AGBL4: variants seen among roughly 807,000 people sequenced by gnomAD.
The protein encoded by AGBL4 is cytosolic carboxypeptidase 6.
A neutral mutation model predicts 66.4 loss-of-function variants in AGBL4; 58 were observed. The observed-to-expected ratio is 0.87, with a 90% CI of 0.71 to 1.09. AGBL4 has a LOEUF of 1.09. AGBL4 is among the 50% of genes least tolerant of loss of function. The pLI, the probability that AGBL4 is intolerant of heterozygous loss-of-function variation, is 0.00. For missense variants in AGBL4, 579 were observed against 631.0 expected (o/e 0.92, Z 0.88); for synonymous variants, 234 against 222.9 (o/e 1.05, Z -0.44).
intron 3 of AGBL4, among the ~76,000 whole-genome samples, chr1:49,582,113 T>G (rs1644554079): frequency 6.6e-6 from 1 of 152,154 alleles, no homozygotes; most frequent in Non-Finnish European, 1.5e-5. Context: ...TCCTACGCAC[T>G]GGGATGGGCT....
chr1:48,797,807 G>A lies in AGBL4; in HGVS notation c.634+69384C>T, dbSNP rs547856250. On this transcript the variant is annotated intron_variant, in intron 6 of 13. Coordinates refer to ENST00000371839, the MANE Select transcript of AGBL4 (RefSeq NM_032785.4). Reference sequence around the variant, plus strand: ...AGTGATATGCCCACCTCAGCCTCCCGAAGTGTTAGGATTACAGGCGTGAGC... The same window carrying A: ...AGTGATATGCCCACCTCAGCCTCCCAAAGTGTTAGGATTACAGGCGTGAGC... Among the ~76,000 whole-genome samples, 302 of 152,130 alleles carry A rather than the reference G, an allele frequency of 2.0e-3. 5 individuals are homozygous for A. Among genetic ancestry groups the A allele is most frequent in the Non-Finnish European group, 2.6e-4 (18 of 67,994 alleles).
chr1:48,768,038 A>G lies in AGBL4; in HGVS notation c.634+99153T>C, dbSNP rs575923978. ...CAAAGAAGTGAAGTGGCTTTCATAAAGACATAAATAGCAGAGCCAACATTT... is the reference window on the plus strand; with the variant it reads ...CAAAGAAGTGAAGTGGCTTTCATAAGGACATAAATAGCAGAGCCAACATTT... On this transcript the variant is annotated intron_variant, in intron 6 of 13. Coordinates refer to ENST00000371839, the MANE Select transcript of AGBL4 (RefSeq NM_032785.4). 5.9e-5 allele frequency among the ~76,000 whole-genome samples: 9 copies of G among 152,336 alleles called. No individual in the cohort carries two copies. In the East Asian group the frequency reaches 1.7e-3, roughly 29 times the overall value.
At chr1:49,811,564 G>A (rs12724893) in intron 2 of AGBL4, among the ~76,000 whole-genome samples, 64,216 of 151,738 alleles carry the variant, frequency 0.42, 16,070 homozygotes, top group Non-Finnish European at 0.57. Flanking sequence ...TACACTAATC[G>A]AAGCACTTTA....
chr1:48,953,626 A>G (rs1361471718), intron 5 of AGBL4, among the ~76,000 whole-genome samples: 1 of 152,232 alleles, frequency 6.6e-6, no homozygotes, highest in African/African-American at 2.4e-5. Context: ...CCTGGGACCC[A>G]GCAGATGCTC....
intron 6 of AGBL4, among the ~76,000 whole-genome samples, chr1:48,789,544 C>A (rs547531791): frequency 6.6e-6 from 1 of 152,236 alleles, no homozygotes; most frequent in South Asian, 2.1e-4. Flanking sequence ...CCACCTTGGC[C>A]TCCCAAAGTG....
In AGBL4 at chr1:49,611,693, T is replaced by C. The variant is rs138987257; in HGVS notation, c.282+85620A>G. Among the ~76,000 whole-genome samples, 6 of 152,206 alleles carry C rather than the reference T, an allele frequency of 3.9e-5. No homozygotes were observed. In the East Asian group the frequency reaches 9.7e-4, roughly 25 times the overall value. On this transcript the variant is annotated intron_variant, in intron 3 of 13. Transcript: ENST00000371839. ...CGCCCGGCCAGTATCAACCATATTC[T>C]TAGAGGTAGACTCTTGCTATTACCA...
chr1:49,721,483 T>C (rs926315585), intron 2 of AGBL4, among the ~76,000 whole-genome samples: 17 of 152,048 alleles, frequency 1.1e-4, no homozygotes, highest in African/African-American at 3.9e-4. Context: ...AGGGAATTGC[T>C]AGTATGGCCA....
At chr1:48,576,929 A>G (rs1023667018) in intron 11 of AGBL4, among the ~76,000 whole-genome samples, 1 of 152,102 alleles carries the variant, frequency 6.6e-6, no homozygotes, top group Non-Finnish European at 1.5e-5. Flanking sequence ...TGCACAGGAA[A>G]CCTCATTTCC....
intron 2 of AGBL4, among the ~76,000 whole-genome samples, chr1:49,810,917 G>C (rs1353313122): frequency 1.3e-5 from 2 of 152,144 alleles, no homozygotes; most frequent in East Asian, 3.8e-4. Flanking sequence ...AATAGTCATG[G>C]CAGCCTGAAC....
At chr1:49,547,866 C>T (rs1015622208) in intron 3 of AGBL4, among the ~76,000 whole-genome samples, 2 of 151,888 alleles carry the variant, frequency 1.3e-5, no homozygotes, top group African/African-American at 2.4e-5. Context: ...TTCTGCCTCC[C>T]GGGTTCAAGT....
chr1:49,214,724 C>T (rs1185866087), intron 4 of AGBL4, among the ~76,000 whole-genome samples: 2 of 152,118 alleles, frequency 1.3e-5, no homozygotes, highest in African/African-American at 2.4e-5. Flanking sequence ...TAATTTTACA[C>T]ACCATCTGCT....
chr1:48,843,951 A>G (rs1411935569), intron 6 of AGBL4, among the ~76,000 whole-genome samples: 6 of 152,132 alleles, frequency 3.9e-5, no homozygotes, highest in African/African-American at 1.4e-4. Context: ...ATTGAATATT[A>G]TATTTCTTAT....
At chr1:48,944,971 A>G (rs947116416) in intron 5 of AGBL4, among the ~76,000 whole-genome samples, 9 of 152,208 alleles carry the variant, frequency 5.9e-5, no homozygotes, top group Non-Finnish European at 1.2e-4. Flanking sequence ...GATCCAAGCC[A>G]TGTGGCTGGT....
At chr1:49,531,397 T>A (rs1175777984) in intron 3 of AGBL4, among the ~76,000 whole-genome samples, 2 of 152,126 alleles carry the variant, frequency 1.3e-5, no homozygotes, top group Non-Finnish European at 2.9e-5. Flanking sequence ...CCCTAGACTT[T>A]ACTGAAAGAA....
chr1:48,872,576 G>C (rs1175173845), intron 5 of AGBL4, among the ~76,000 whole-genome samples: 1 of 152,054 alleles, frequency 6.6e-6, no homozygotes, highest in Admixed American at 6.6e-5. Context: ...GACTCTTCAG[G>C]CAATATTCAA....
At chr1:48,844,046 A>C (rs1646859920) in intron 6 of AGBL4, among the ~76,000 whole-genome samples, 1 of 152,192 alleles carries the variant, frequency 6.6e-6, no homozygotes, top group African/African-American at 2.4e-5. Context: ...TGTAGAGCTC[A>C]GTATTAGTCT....
chr1:49,135,661 C>T (rs1645996309), intron 4 of AGBL4, among the ~76,000 whole-genome samples: 1 of 152,300 alleles, frequency 6.6e-6, no homozygotes, highest in South Asian at 2.1e-4. Context: ...GCAGCAGGAG[C>T]ATGTCCTTAA....
At chr1:48,545,602 A>G (rs1644146373) in intron 11 of AGBL4, among the ~76,000 whole-genome samples, 1 of 152,210 alleles carries the variant, frequency 6.6e-6, no homozygotes, top group South Asian at 2.1e-4. Flanking sequence ...AAAAATCTCA[A>G]GATGGTCTGT....
intron 6 of AGBL4, among the ~76,000 whole-genome samples, chr1:48,773,998 G>A (rs1314569014): frequency 1.3e-5 from 2 of 152,174 alleles, no homozygotes; most frequent in Non-Finnish European, 2.9e-5. Flanking sequence ...CACAGCAGTC[G>A]GCTTTGACAT....
Sources: allele counts gnomAD v4.1 joint callset (sites outside exome capture counted in the v4.1 genomes callset), GRCh38; gene constraint gnomAD v4.1.1; transcripts MANE v1.5; gene names NCBI Gene and HGNC (gene_info 2026-07-23, HGNC 2026-07-21).